Variants in CTNND2 observed in about 807,000 individuals in gnomAD.
CTNND2 encodes the protein catenin delta 2.
Under a neutral mutation model 144.4 loss-of-function variants are expected in CTNND2, and 22 were observed. The ratio of observed to expected loss-of-function variants is 0.15; its 90% CI spans 0.11 to 0.22. The LOEUF (loss-of-function observed/expected upper bound fraction) is 0.22. CTNND2 is among the 10% of genes least tolerant of loss of function. The pLI, the probability that CTNND2 is intolerant of heterozygous loss-of-function variation, is 1.00. For missense variants in CTNND2, 1,353 were observed against 1,618.8 expected (o/e 0.84, Z 2.82); for synonymous variants, 751 against 695.6 (o/e 1.08, Z -1.25).
At chr5:11,567,110 C>T (rs374800247) in intron 2 of CTNND2, among the ~76,000 whole-genome samples, 5 of 151,942 alleles carry the variant, frequency 3.3e-5, no homozygotes, top group Non-Finnish European at 5.9e-5. Context: ...AATACAGTTA[C>T]CCTTAAATTT....
At chr5:11,621,374 A>G (rs1055031513) in intron 2 of CTNND2, among the ~76,000 whole-genome samples, 5 of 152,150 alleles carry the variant, frequency 3.3e-5, no homozygotes, top group African/African-American at 9.6e-5. Context: ...TAAAAATTTT[A>G]TATTTCCAGT....
chr5:11,180,484 C>G (rs16901378), intron 11 of CTNND2, among the ~76,000 whole-genome samples: 2 of 152,066 alleles, frequency 1.3e-5, no homozygotes, highest in East Asian at 3.9e-4. Flanking sequence ...AACATAATAG[C>G]GATTGGTTGA....
intron 2 of CTNND2, among the ~76,000 whole-genome samples, chr5:11,600,133 C>T (rs888060375): frequency 2.0e-5 from 3 of 152,198 alleles, no homozygotes; most frequent in Admixed American, 1.3e-4. Context: ...CCTCAGCTGA[C>T]ACTGTCAGTG....
intron 1 of CTNND2, among the ~76,000 whole-genome samples, chr5:11,831,809 T>C (rs1793918137): frequency 6.6e-6 from 1 of 152,166 alleles, no homozygotes; most frequent in African/African-American, 2.4e-5. Flanking sequence ...CATATTTTTG[T>C]ATATAAGCAT....
chr5:11,901,510 A>C (rs1256977019), intron 1 of CTNND2, among the ~76,000 whole-genome samples: 1 of 152,236 alleles, frequency 6.6e-6, no homozygotes, highest in Non-Finnish European at 1.5e-5. Context: ...CTATTGTGAA[A>C]GATGTAAAGT....
intron 11 of CTNND2, among the ~76,000 whole-genome samples, chr5:11,166,327 C>A (rs554591884): frequency 6.7e-6 from 1 of 148,956 alleles, no homozygotes; most frequent in Non-Finnish European, 1.5e-5. Context: ...CGGCTCACTG[C>A]AAGCTCTGCC....
At chr5:11,437,136 T>G (rs1463284339) in intron 3 of CTNND2, among the ~76,000 whole-genome samples, 1 of 152,222 alleles carries the variant, frequency 6.6e-6, no homozygotes. Context: ...TGTTATGTAT[T>G]TCCATCTTTT....
intron 2 of CTNND2, among the ~76,000 whole-genome samples, chr5:11,586,874 A>C (rs1026554869): frequency 1.1e-4 from 16 of 152,262 alleles, no homozygotes; most frequent in Non-Finnish European, 7.4e-5. Context: ...GCTTTTGTTT[A>C]AAATGCCACC....
At chr5:11,676,649 G>GA (rs1308633110) in intron 2 of CTNND2, among the ~76,000 whole-genome samples, 5 of 150,348 alleles carry the variant, frequency 3.3e-5, no homozygotes, top group African/African-American at 9.8e-5. Context: ...TTCAATACCT[G>GA]AAAAAAATCC....
chr5:11,588,658 A>G, intron 2 of CTNND2: 3 of 694,628 alleles, frequency 4.3e-6, no homozygotes, highest in Non-Finnish European at 5.3e-6. Flanking sequence ...CTTTAGTTAA[A>G]ATTATCACAA....
intron 9 of CTNND2, among the ~76,000 whole-genome samples, chr5:11,297,955 G>T (rs1749193022): frequency 6.6e-6 from 1 of 152,112 alleles, no homozygotes; most frequent in African/African-American, 2.4e-5. Context: ...TCAATATTGG[G>T]CTAATAGAGT....
At chr5:11,519,056 G>GC (rs1772475864) in intron 3 of CTNND2, among the ~76,000 whole-genome samples, 1 of 151,420 alleles carries the variant, frequency 6.6e-6, no homozygotes, top group African/African-American at 2.4e-5. Context: ...GGAAAAAATG[G>GC]AAAAAAATAG....
chr5:11,364,509 G>A (rs1001495531), intron 8 of CTNND2, 187 bp downstream of exon 8: 2 of 482,094 alleles, frequency 4.1e-6, no homozygotes, highest in East Asian at 3.6e-5. Context: ...ATTATACCAA[G>A]GTAGCCTGAA....
intron 2 of CTNND2, among the ~76,000 whole-genome samples, chr5:11,614,196 A>T (rs988050667): frequency 3.3e-5 from 5 of 152,164 alleles, no homozygotes; most frequent in Non-Finnish European, 7.3e-5. Flanking sequence ...TTACATTTTC[A>T]GTTAACTTAT....
intron 5 of CTNND2, among the ~76,000 whole-genome samples, chr5:11,400,495 GT>G: frequency 6.6e-6 from 1 of 152,124 alleles, no homozygotes; most frequent in Non-Finnish European, 1.5e-5. Flanking sequence ...GAGCCCAAGG[GT>G]TTTCCCAAAA....
At chr5:11,438,264 T>C (rs1250243104) in intron 3 of CTNND2, among the ~76,000 whole-genome samples, 1 of 152,260 alleles carries the variant, frequency 6.6e-6, no homozygotes, top group African/African-American at 2.4e-5. Context: ...TTTCTTTTGT[T>C]CATTCATTCA....
intron 1 of CTNND2, among the ~76,000 whole-genome samples, chr5:11,795,662 C>T (rs1411556196): frequency 6.6e-6 from 1 of 152,134 alleles, no homozygotes; most frequent in Non-Finnish European, 1.5e-5. Context: ...GCTGATGGCC[C>T]ATGATAGCTG....
chr5:11,166,558 A>G (rs895607978), intron 11 of CTNND2, among the ~76,000 whole-genome samples: 2 of 151,794 alleles, frequency 1.3e-5, no homozygotes, highest in African/African-American at 4.8e-5. Flanking sequence ...AAAAAAGTTC[A>G]TTTTTTAAAA....
At chr5:11,101,835 T>C (rs138370438) in intron 14 of CTNND2, among the ~76,000 whole-genome samples, 1 of 151,780 alleles carries the variant, frequency 6.6e-6, no homozygotes, top group Non-Finnish European at 1.5e-5. Context: ...ACAGCAGTGG[T>C]GGCAATGCCA....
Sources: allele counts gnomAD v4.1 joint callset (sites outside exome capture counted in the v4.1 genomes callset), GRCh38; gene constraint gnomAD v4.1.1; transcripts MANE v1.5; gene names NCBI Gene and HGNC (gene_info 2026-07-23, HGNC 2026-07-21).